ASRGL1: variants seen among roughly 807,000 people sequenced by gnomAD.
ASRGL1 encodes isoaspartyl peptidase/L-asparaginase.
A neutral mutation model predicts 22.4 loss-of-function variants in ASRGL1; 16 were observed. That is an observed-to-expected ratio of 0.71 (90% CI 0.48 to 1.08). The LOEUF is 1.08. ASRGL1 is among the 50% of genes least tolerant of loss of function. ASRGL1 has a pLI of 0.00. For synonymous variants in ASRGL1, 165 were observed against 159.3 expected (o/e 1.04, Z -0.27); for missense variants, 412 against 410.1 (o/e 1.00, Z -0.04).
At chr11:62,369,560 C>T (rs894239741) in intron 4 of ASRGL1, among the ~76,000 whole-genome samples, 4 of 152,080 alleles carry the variant, frequency 2.6e-5, no homozygotes, top group Non-Finnish European at 1.5e-5. Context: ...ACAGACAGAA[C>T]AGGCATGCAA....
At chr11:62,384,035 CGTGTGTGT>C (rs141968496) in intron 4 of ASRGL1, among the ~76,000 whole-genome samples, 107 of 150,286 alleles carry the variant, frequency 7.1e-4, no homozygotes, top group Non-Finnish European at 9.9e-4. Flanking sequence ...CACGTGTGTG[CGTGTGTGT>C]GTGTGTGTGT....
chr11:62,367,663 G>T (rs958256700), intron 4 of ASRGL1, among the ~76,000 whole-genome samples: 2 of 149,268 alleles, frequency 1.3e-5, no homozygotes, highest in African/African-American at 5.0e-5. Context: ...AATAAAATAG[G>T]CCAGGTGCAG....
rs565845490 is a variant in ASRGL1, at chr11:62,360,101, G to A, written c.491+2957G>A. Among the ~76,000 whole-genome samples the A allele has an allele frequency of 1.1e-4, 16 of 148,918 alleles. No homozygotes were observed. The East Asian group carries it at 2.4e-3, about 22-fold the overall frequency. ...GGCTGGAGTGCAGTGGCACGATCTCGGCTTACTGCAACCTCTGCCTCCCAG... is the reference window on the plus strand; with the variant it reads ...GGCTGGAGTGCAGTGGCACGATCTCAGCTTACTGCAACCTCTGCCTCCCAG... On this transcript the variant is annotated intron_variant, in intron 4 of 6. Transcript: ENST00000415229.
intron 4 of ASRGL1, among the ~76,000 whole-genome samples, chr11:62,387,059 AT>A (rs55647741): frequency 0.48 from 69,277 of 143,582 alleles, 16,689 homozygotes; most frequent in Middle Eastern, 0.57. Context: ...CACTTAGCTA[AT>A]TTTTTTTTTT....
chr11:62,368,406 T>C (rs1273213979), intron 4 of ASRGL1, among the ~76,000 whole-genome samples: 1 of 152,146 alleles, frequency 6.6e-6, no homozygotes, highest in African/African-American at 2.4e-5. Context: ...CCTGTCCACA[T>C]TTCTGATGGA....
At chr11:62,371,128 G>C (rs1038853480) in intron 4 of ASRGL1, 118 of 979,978 alleles carry the variant, frequency 1.2e-4, no homozygotes, top group Non-Finnish European at 1.5e-4. Context: ...CCAACCAGCC[G>C]CAACCATGCC....
At chr11:62,364,396 C>G (rs1474926873) in intron 4 of ASRGL1, among the ~76,000 whole-genome samples, 1 of 151,842 alleles carries the variant, frequency 6.6e-6, no homozygotes, top group African/African-American at 2.4e-5. Flanking sequence ...CATGTGAAAA[C>G]CATAGCTTTT....
the ASRGL1 span, among the ~76,000 whole-genome samples, chr11:62,398,935 A>C: frequency 6.6e-6 from 1 of 152,224 alleles, no homozygotes; most frequent in Non-Finnish European, 1.5e-5. Context: ...TTGGGAGGCC[A>C]AGACAGGCAG....
chr11:62,398,023 G>A (rs1007105315), downstream of ASRGL1, among the ~76,000 whole-genome samples: 36 of 152,056 alleles, frequency 2.4e-4, no homozygotes, highest in African/African-American at 7.0e-4. Context: ...GCCCCTCGTT[G>A]AGTGAGGGAA....
At chr11:62,357,189 A>G (rs1277790535) in intron 4 of ASRGL1, 45 bp downstream of exon 4, 17 of 1,582,902 alleles carry the variant, frequency 1.1e-5, no homozygotes, top group Non-Finnish European at 1.5e-5. Flanking sequence ...TTATTAAAAT[A>G]TGAAAGTTTG....
intron 4 of ASRGL1, chr11:62,383,216 A>G (rs979369812): frequency 4.6e-5 from 7 of 152,166 alleles, no homozygotes; most frequent in African/African-American, 1.7e-4. Flanking sequence ...AGCTTCTCCA[A>G]ATTAAAATAA....
intron 5 of ASRGL1, among the ~76,000 whole-genome samples, chr11:62,390,960 G>A (rs770704881): frequency 1.2e-4 from 19 of 152,174 alleles, no homozygotes; most frequent in Non-Finnish European, 2.6e-4. Context: ...CCCAAAATAA[G>A]GAAGAAATCT....
At chr11:62,380,695 G>A (rs1413062261) in intron 4 of ASRGL1, among the ~76,000 whole-genome samples, 2 of 152,116 alleles carry the variant, frequency 1.3e-5, no homozygotes, top group Non-Finnish European at 2.9e-5. Context: ...ATGAGCAGTG[G>A]AACCTAATAA....
intron 4 of ASRGL1, among the ~76,000 whole-genome samples, chr11:62,362,569 A>T (rs1415864783): frequency 9.5e-5 from 3 of 31,558 alleles, no homozygotes; most frequent in Non-Finnish European, 1.3e-4. Context: ...TATTTATATA[A>T]TATATATTAT....
chr11:62,396,479 A>G (rs1947434084), downstream of ASRGL1, among the ~76,000 whole-genome samples: 2 of 152,204 alleles, frequency 1.3e-5, no homozygotes, highest in African/African-American at 4.8e-5. Context: ...TAAGGCCTAG[A>G]AAAATTGGAG....
At chr11:62,379,099 G>C (rs1335244534) in intron 4 of ASRGL1, among the ~76,000 whole-genome samples, 1 of 152,090 alleles carries the variant, frequency 6.6e-6, no homozygotes, top group Non-Finnish European at 1.5e-5. Flanking sequence ...AGTAATCATT[G>C]GTTGAAGTAA....
chr11:62,390,419 C>T (rs1357199117), intron 5 of ASRGL1, among the ~76,000 whole-genome samples: 1 of 152,194 alleles, frequency 6.6e-6, no homozygotes, highest in Non-Finnish European at 1.5e-5. Flanking sequence ...GTGGTCACCT[C>T]AGGCAATGCA....
downstream of ASRGL1, among the ~76,000 whole-genome samples, chr11:62,398,165 A>G (rs560830138): frequency 4.6e-5 from 7 of 152,138 alleles, no homozygotes; most frequent in East Asian, 3.9e-4. Flanking sequence ...AAAGGGAAAT[A>G]TGGGTTGTGC....
At chr11:62,358,746 A>T (rs1270095695) in intron 4 of ASRGL1, among the ~76,000 whole-genome samples, 1 of 152,208 alleles carries the variant, frequency 6.6e-6, no homozygotes, top group Middle Eastern at 3.2e-3. Flanking sequence ...TCAGCCATCA[A>T]GGAAATCTCC....
Sources: allele counts gnomAD v4.1 joint callset (sites outside exome capture counted in the v4.1 genomes callset), GRCh38; gene constraint gnomAD v4.1.1; transcripts MANE v1.5; gene names NCBI Gene and HGNC (gene_info 2026-07-23, HGNC 2026-07-21).